Variants in EMSY observed in about 807,000 individuals in gnomAD.
The protein encoded by EMSY is BRCA2-interacting transcriptional repressor EMSY.
In EMSY, 26 loss-of-function variants were observed where a neutral mutation model predicts 134.6. The ratio of observed to expected loss-of-function variants is 0.19; its 90% CI spans 0.14 to 0.27. The LOEUF (loss-of-function observed/expected upper bound fraction) is 0.27, where lower values mean the gene tolerates loss of function less well. Ranked by LOEUF, EMSY falls within the 10% of genes least tolerant of loss-of-function variation. The pLI, the probability that EMSY is intolerant of heterozygous loss-of-function variation, is 1.00. For synonymous variants in EMSY, 579 were observed against 577.8 expected (o/e 1.00, Z -0.03); for missense variants, 1,305 against 1,611.4 (o/e 0.81, Z 3.26).
chr11:76,454,787 A>G, intron 4 of EMSY: 2 of 1,464,276 alleles, frequency 1.4e-6, no homozygotes, highest in Non-Finnish European at 1.8e-6. Context: ...AGACCAAGTT[A>G]CAGGTATGCA....
intron 9 of EMSY, among the ~76,000 whole-genome samples, chr11:76,498,246 T>C (rs1306841788): frequency 1.3e-5 from 2 of 152,214 alleles, no homozygotes; most frequent in Non-Finnish European, 2.9e-5. Flanking sequence ...CCACAATATG[T>C]TCAACTTTGG....
At chr11:76,495,690 T>G (rs536160815) in intron 8 of EMSY, among the ~76,000 whole-genome samples, 394 of 152,156 alleles carry the variant, frequency 2.6e-3, no homozygotes, top group African/African-American at 9.2e-3. Context: ...TTTATTAAAA[T>G]TTTTTTTCCT....
chr11:76,526,582 G>C (rs1431279180), exon 13 of EMSY: 1 of 1,613,548 alleles, frequency 6.2e-7, no homozygotes, highest in East Asian at 2.2e-5. Flanking sequence ...AGTTCAACCA[G>C]CAGCTAAAAT....
intron 8 of EMSY, among the ~76,000 whole-genome samples, chr11:76,487,986 C>T (rs1416820373): frequency 6.6e-6 from 1 of 152,214 alleles, no homozygotes; most frequent in Non-Finnish European, 1.5e-5. Flanking sequence ...CCTTCACTTA[C>T]ATGACTTTTT....
In EMSY at chr11:76,496,873, G is replaced by A. The variant is rs144102385; in HGVS notation, c.1363+404G>A. 903 of 296,026 alleles carry A rather than the reference G, an allele frequency of 3.1e-3. 7 individuals carry two copies. The highest frequency in any genetic ancestry group is 2.9e-3 in the Non-Finnish European group (442 of 155,026). 18.3% of individuals were successfully genotyped at this position (296,026 alleles called of 1,614,324 possible). A position where few individuals can be genotyped will look rare whatever the true frequency, so the allele number is the denominator to read the frequency against. ...GTTTCTTCCTTTCCAATCAATTGCTGTTTATTTCTTTTTGGTGTTTTATTT... is the reference window on the plus strand; with the variant it reads ...GTTTCTTCCTTTCCAATCAATTGCTATTTATTTCTTTTTGGTGTTTTATTT... On this transcript the variant is annotated intron_variant, in intron 9 of 20. Coordinates refer to ENST00000334736, the Ensembl canonical transcript of EMSY.
intron 9 of EMSY, among the ~76,000 whole-genome samples, chr11:76,505,386 A>T (rs1293493341): frequency 1.1e-4 from 13 of 120,948 alleles, no homozygotes; most frequent in Non-Finnish European, 1.9e-4. Flanking sequence ...TTTTTTGTAG[A>T]GATGGGTTTT....
chr11:76,542,106 C>T, intron 17 of EMSY, 110 bp from the exon 19 acceptor site: 2 of 1,401,098 alleles, frequency 1.4e-6, no homozygotes, highest in Non-Finnish European at 1.0e-6. Flanking sequence ...GTTCACAATA[C>T]TACACTTTCT....
intron 6 of EMSY, among the ~76,000 whole-genome samples, chr11:76,461,736 A>C (rs912358149): frequency 1.3e-5 from 2 of 152,038 alleles, no homozygotes; most frequent in African/African-American, 2.4e-5. Flanking sequence ...GTTCGAGACT[A>C]ACCTGGCCAA....
At chr11:76,461,164 T>C (rs946275069) in intron 6 of EMSY, 1 of 152,118 alleles carries the variant, frequency 6.6e-6, no homozygotes, top group Non-Finnish European at 1.5e-5. Flanking sequence ...AGACAGAAAC[T>C]GAGGAAGCCA....
chr11:76,513,310 C>T (rs560977854), intron 9 of EMSY, 76 bp from the exon 11 acceptor site: 23 of 1,404,280 alleles, frequency 1.6e-5, no homozygotes, highest in Middle Eastern at 1.9e-4. Flanking sequence ...TGTGTGACTA[C>T]TGCCCTCTTG....
intron 2 of EMSY, among the ~76,000 whole-genome samples, chr11:76,447,579 T>G (rs2134693502): frequency 1.3e-5 from 2 of 152,364 alleles, no homozygotes; most frequent in South Asian, 4.1e-4. Flanking sequence ...TGCTTGTAAT[T>G]TATTATTTAG....
At position 76,532,967 on chromosome 11, in the gene EMSY, TAC is replaced by T. The variant is rs149313311; in HGVS notation, c.2195-2926_2195-2925del. On this transcript the variant is annotated intron_variant, in intron 14 of 20. Coordinates refer to ENST00000334736, the Ensembl canonical transcript of EMSY. The stretch of plus-strand genomic sequence containing the variant: ...TATATGAAAGATTAAGAGTGGAAGA[TAC>T]AATATAAAATGTTCCCCAACTTTTT... Among the ~76,000 whole-genome samples, 85 of 152,260 alleles carry T rather than the reference TAC, an allele frequency of 5.6e-4. 1 individual carries two copies. In the East Asian group the frequency reaches 0.014, roughly 26 times the overall value.
chr11:76,536,260 G>A (rs907939581), intron 15 of EMSY, among the ~76,000 whole-genome samples: 2 of 152,040 alleles, frequency 1.3e-5, no homozygotes, highest in Non-Finnish European at 1.5e-5. Context: ...GATGTGCACA[G>A]GAATATTGAA....
At chr11:76,495,029 C>T (rs536099643) in intron 8 of EMSY, among the ~76,000 whole-genome samples, 1 of 152,316 alleles carries the variant, frequency 6.6e-6, no homozygotes, top group African/African-American at 2.4e-5. Context: ...AGCCACTGTG[C>T]CCGGCCTTCT....
Position 76,497,057 on chromosome 11 carries a change from G to A in EMSY, c.1363+588G>A, listed in dbSNP as rs986979015. 3.9e-4 allele frequency: 61 copies of A among 154,494 alleles called. 1 individual carries two copies. The highest frequency in any genetic ancestry group is 1.2e-3 in the African/African-American group (51 of 41,440). The allele number at this position is 154,494 out of a possible 1,614,324, so 9.6% of individuals were successfully genotyped here. A position where few individuals can be genotyped will look rare whatever the true frequency, so the allele number is the denominator to read the frequency against. On this transcript the variant is annotated intron_variant, in intron 9 of 20. Coordinates refer to ENST00000334736, the Ensembl canonical transcript of EMSY. Reference sequence around the variant, plus strand: ...TATAGATGCTCTTTATCAGGTAGACGGAGTGCACTTCTGCTACTAGTTTTT... The same window carrying A: ...TATAGATGCTCTTTATCAGGTAGACAGAGTGCACTTCTGCTACTAGTTTTT...
At chr11:76,522,513 G>A (rs769368605) in intron 11 of EMSY, among the ~76,000 whole-genome samples, 24 of 151,470 alleles carry the variant, frequency 1.6e-4, no homozygotes, top group Non-Finnish European at 2.9e-4. Flanking sequence ...GATTACAGGC[G>A]CCCGCCGCCA....
At chr11:76,457,655 T>A (rs1947930121) in intron 4 of EMSY, among the ~76,000 whole-genome samples, 1 of 152,216 alleles carries the variant, frequency 6.6e-6, no homozygotes, top group Non-Finnish European at 1.5e-5. Context: ...TTCTGTTCTT[T>A]TCTACTTAGG....
At chr11:76,471,763 G>A (rs1025277367) in intron 7 of EMSY, among the ~76,000 whole-genome samples, 1 of 152,066 alleles carries the variant, frequency 6.6e-6, no homozygotes, top group Non-Finnish European at 1.5e-5. Flanking sequence ...CTCTTACATG[G>A]TTTAGTCCTT....
At chr11:76,548,318 T>G (rs1471540475) in intron 20 of EMSY, among the ~76,000 whole-genome samples, 1 of 152,238 alleles carries the variant, frequency 6.6e-6, no homozygotes, top group East Asian at 1.9e-4. Flanking sequence ...TGTTTGATAT[T>G]AAATGCTTTG....
Sources: gnomAD v4.1 joint callset for allele counts (sites outside exome capture counted in the v4.1 genomes callset) on GRCh38, gnomAD v4.1.1 for gene constraint, MANE v1.5 for transcripts, NCBI Gene and HGNC (gene_info 2026-07-23, HGNC 2026-07-21) for gene names.